Variants in ARK2C observed in about 807,000 individuals in gnomAD.
ARK2C encodes the protein arkadia (RNF111) C-terminal like ring finger ubiquitin ligase 2C.
chr18:46,369,979 C>G, the ARK2C span, among the ~76,000 whole-genome samples: 1 of 152,262 alleles, frequency 6.6e-6, no homozygotes, highest in African/African-American at 2.4e-5. Flanking sequence ...ACACACGCAC[C>G]CTAGACTTGG....
chr18:46,400,167 G>A, the ARK2C span, among the ~76,000 whole-genome samples: 107 of 152,274 alleles, frequency 7.0e-4, no homozygotes, highest in African/African-American at 1.9e-3. Flanking sequence ...TTCTAAGGCT[G>A]GGCTGGATAT....
the ARK2C span, among the ~76,000 whole-genome samples, chr18:46,452,262 C>T: frequency 6.6e-6 from 1 of 152,146 alleles, no homozygotes; most frequent in East Asian, 1.9e-4. Context: ...TATGGGAAAA[C>T]ACTGTACTTT....
At chr18:46,388,536 T>G in the ARK2C span, among the ~76,000 whole-genome samples, 1 of 152,044 alleles carries the variant, frequency 6.6e-6, no homozygotes. Context: ...TGGTGCACCT[T>G]GGCCATGATC....
At chr18:46,452,038 G>A in the ARK2C span, among the ~76,000 whole-genome samples, 2 of 152,158 alleles carry the variant, frequency 1.3e-5, no homozygotes, top group East Asian at 1.9e-4. Context: ...GAGTCTCAGG[G>A]GAGTGAAAGT....
the ARK2C span, among the ~76,000 whole-genome samples, chr18:46,425,313 C>T: frequency 2.0e-5 from 3 of 152,228 alleles, no homozygotes; most frequent in African/African-American, 4.8e-5. Context: ...GGTCAGCTGG[C>T]AGGCCTGCAA....
chr18:46,460,770 A>G, the ARK2C span: 1 of 152,628 alleles, frequency 6.6e-6, no homozygotes, highest in East Asian at 1.9e-4. Flanking sequence ...TTCCATACGA[A>G]ATGCAAACCT....
chr18:46,402,918 C>A, the ARK2C span, among the ~76,000 whole-genome samples: 1 of 152,364 alleles, frequency 6.6e-6, no homozygotes, highest in Admixed American at 6.5e-5. Flanking sequence ...GGACACTAGA[C>A]AGTGCTTCCT....
the ARK2C span, chr18:46,460,513 A>G: frequency 6.6e-6 from 1 of 152,424 alleles, no homozygotes; most frequent in Non-Finnish European, 1.5e-5. Context: ...TTATTTTTAT[A>G]GTTGTTTTGC....
chr18:46,376,664 CTTTTTTTTTTTTT>C, the ARK2C span, among the ~76,000 whole-genome samples: 2 of 72,246 alleles, frequency 2.8e-5, no homozygotes, highest in Admixed American at 2.2e-4. Context: ...GGTTAATAAT[CTTTTTTTTTTTTT>C]TTTTTTTTTT....
the ARK2C span, among the ~76,000 whole-genome samples, chr18:46,370,454 G>A: frequency 6.6e-6 from 1 of 152,166 alleles, no homozygotes; most frequent in Admixed American, 6.5e-5. Flanking sequence ...TGGAGGAGGG[G>A]GTTTAGGGGG....
the ARK2C span, among the ~76,000 whole-genome samples, chr18:46,416,843 G>A: frequency 6.6e-6 from 1 of 152,226 alleles, no homozygotes; most frequent in Non-Finnish European, 1.5e-5. Flanking sequence ...GGTCTCTTGA[G>A]GCCTGGGCTC....
the ARK2C span, among the ~76,000 whole-genome samples, chr18:46,453,862 AT>A: frequency 6.6e-6 from 1 of 151,978 alleles, no homozygotes; most frequent in African/African-American, 2.4e-5. Context: ...ACACTGGCTC[AT>A]GCACTCTGGG....
the ARK2C span, chr18:46,455,845 CAAAACAAACAAA>C: frequency 1.6e-6 from 1 of 615,350 alleles, no homozygotes; most frequent in Admixed American, 2.9e-5. Context: ...AAAAACAAAA[CAAAACAAACAAA>C]AAAAGAAACT....
chr18:46,425,280 C>T, the ARK2C span, among the ~76,000 whole-genome samples: 21 of 152,300 alleles, frequency 1.4e-4, no homozygotes, highest in Admixed American at 2.6e-4. Context: ...TCCCACATCC[C>T]TGGAGCAGGC....
At chr18:46,361,767 G>A in the ARK2C span, among the ~76,000 whole-genome samples, 9 of 152,158 alleles carry the variant, frequency 5.9e-5, no homozygotes, top group African/African-American at 2.2e-4. Flanking sequence ...GCTGCTGCAG[G>A]TCACCACCCA....
chr18:46,372,802 C>T, the ARK2C span, among the ~76,000 whole-genome samples: 1,240 of 152,364 alleles, frequency 8.1e-3, 12 homozygotes, highest in Non-Finnish European at 0.014. Context: ...AAAATCCATA[C>T]GTTTCCTTTA....
chr18:46,379,302 A>G, the ARK2C span, among the ~76,000 whole-genome samples: 4 of 152,210 alleles, frequency 2.6e-5, no homozygotes, highest in African/African-American at 4.8e-5. Flanking sequence ...ACTTTGACAA[A>G]CACAAAACCC....
the ARK2C span, among the ~76,000 whole-genome samples, chr18:46,433,887 C>A: frequency 6.6e-6 from 1 of 152,220 alleles, no homozygotes; most frequent in East Asian, 1.9e-4. Context: ...TAGGGAACTC[C>A]TCATGTCCCC....
the ARK2C span, among the ~76,000 whole-genome samples, chr18:46,411,032 A>G: frequency 6.6e-6 from 1 of 152,232 alleles, no homozygotes; most frequent in African/African-American, 2.4e-5. Context: ...CCCAAAGTGA[A>G]AAGTGACAGG....
Sources: allele counts gnomAD v4.1 joint callset (sites outside exome capture counted in the v4.1 genomes callset), GRCh38; gene constraint gnomAD v4.1.1; transcripts MANE v1.5; gene names NCBI Gene and HGNC (gene_info 2026-07-23, HGNC 2026-07-21).